MAST2: variants seen among roughly 807,000 people sequenced by gnomAD.
MAST2 encodes microtubule-associated serine/threonine-protein kinase 2.
Under a neutral mutation model 147.4 loss-of-function variants are expected in MAST2, and 70 were observed. The ratio of observed to expected loss-of-function variants is 0.47; its 90% confidence interval spans 0.39 to 0.58. The LOEUF (loss-of-function observed/expected upper bound fraction) is 0.58. Among genes scored for constraint, MAST2 ranks in the 20% least tolerant of loss-of-function variants. MAST2 has a pLI of 0.00. For missense variants in MAST2, 2,080 were observed against 2,302.3 expected, an observed-to-expected ratio of 0.90 and a Z score of 1.98; for synonymous variants, 869 against 896.8, an observed-to-expected ratio of 0.97 and a Z score of 0.55.
intron 3 of MAST2, among the ~76,000 whole-genome samples, chr1:45,845,534 T>G (rs936014430): frequency 2.6e-5 from 4 of 152,178 alleles, no homozygotes; most frequent in Admixed American, 2.6e-4. Flanking sequence ...ATACTTGTAT[T>G]TAACAAGTTT....
intron 5 of MAST2, 57 bp from the exon 6 acceptor site, chr1:45,997,667 T>G: frequency 7.4e-7 from 1 of 1,346,504 alleles, no homozygotes; most frequent in Non-Finnish European, 1.1e-6. Context: ...CCGAAAGTCA[T>G]GTCCACCCTC....
chr1:46,008,173 C>T (rs189603970), intron 8 of MAST2, 123 bp from the exon 9 acceptor site: 52 of 666,174 alleles, frequency 7.8e-5, no homozygotes, highest in South Asian at 6.3e-4. Flanking sequence ...ACTCAGTACC[C>T]GTTAAAGTGG....
At chr1:45,849,590 G>A (rs567506230) in intron 3 of MAST2, among the ~76,000 whole-genome samples, 7 of 150,946 alleles carry the variant, frequency 4.6e-5, no homozygotes, top group East Asian at 3.9e-4. Flanking sequence ...GCAGTGGCGC[G>A]ATCTAGGCTC....
rs1213650086 is a variant in MAST2, at chr1:46,031,903, A to G, written c.3188-275A>G. Among the ~76,000 whole-genome samples, 1 of 152,234 alleles carries G rather than the reference A, an allele frequency of 6.6e-6. No individual in the cohort carries two copies. The highest frequency in any genetic ancestry group is 2.4e-5 in the African/African-American group (1 of 41,458). On this transcript the variant is annotated intron_variant, in intron 24 of 28. Coordinates refer to ENST00000361297, the MANE Select transcript of MAST2 (RefSeq NM_015112.3). The surrounding 1 kb of genome is among the most constrained non-coding windows in gnomAD (Gnocchi z 4.1). ...TTTCTTATCCAAAAATGTGGATATA[A>G]TAGAGGCCAGCTGATAGGTTGTGAC...
chr1:45,852,508 C>T (rs772758970), intron 3 of MAST2, among the ~76,000 whole-genome samples: 1 of 150,794 alleles, frequency 6.6e-6, no homozygotes, highest in Non-Finnish European at 1.5e-5. Context: ...ATCACAGGCA[C>T]AAGCCACCAT....
intron 3 of MAST2, among the ~76,000 whole-genome samples, chr1:45,876,281 G>T (rs1007798788): frequency 6.6e-6 from 1 of 152,198 alleles, no homozygotes; most frequent in African/African-American, 2.4e-5. Flanking sequence ...ATTGGATGTA[G>T]ATAACTCATT....
chr1:45,947,748 G>A lies in MAST2; in HGVS notation c.501-11638G>A, dbSNP rs1018616801. On this transcript the variant is annotated intron_variant, in intron 4 of 28. Transcript: ENST00000361297. ...TTTTATTTTTTTGAGACGGAGTCTC[G>A]CTCTGTCGCCCAAGCTGGAGTGTAG... is the stretch of plus-strand genomic sequence containing the variant. Among the ~76,000 whole-genome samples the A allele has an allele frequency of 5.3e-5, 8 of 152,144 alleles. No individual in the cohort carries two copies. In the East Asian group the frequency reaches 5.8e-4, roughly 11 times the overall value.
At chr1:45,888,922 C>T (rs1180313570) in intron 4 of MAST2, among the ~76,000 whole-genome samples, 1 of 151,840 alleles carries the variant, frequency 6.6e-6, no homozygotes, top group African/African-American at 2.4e-5. Flanking sequence ...CATCATCCAT[C>T]CGCCTCGGCC....
At chr1:45,862,448 A>T (rs1342897804) in intron 3 of MAST2, among the ~76,000 whole-genome samples, 3 of 147,524 alleles carry the variant, frequency 2.0e-5, no homozygotes, top group Non-Finnish European at 4.5e-5. Flanking sequence ...CCAAGGGGAG[A>T]CGTTTTTTAC....
intron 5 of MAST2, among the ~76,000 whole-genome samples, chr1:45,963,345 T>C (rs1660710863): frequency 6.6e-6 from 1 of 152,224 alleles, no homozygotes; most frequent in African/African-American, 2.4e-5. Flanking sequence ...ATCTATAAAT[T>C]ACCTTGGGCA....
At chr1:46,011,366 C>T (rs1305477872) in intron 10 of MAST2, among the ~76,000 whole-genome samples, 2 of 152,150 alleles carry the variant, frequency 1.3e-5, no homozygotes, top group African/African-American at 2.4e-5. Context: ...GAGGCTTGCA[C>T]AATGGGTTTA....
Position 46,006,374 on chromosome 1 carries a change from G to C in MAST2, c.881G>C (p.Arg294Pro). The C allele has an allele frequency of 6.2e-7, 1 of 1,613,084 alleles. No individual in the cohort carries two copies. Among genetic ancestry groups the C allele is most frequent in the Non-Finnish European group, 8.5e-7 (1 of 1,179,444 alleles). ...GAAGGACGGCAGTCCCCAGCCATGC[G>C]GCCTCGCTCCCGGAGCCTCAGGTGA... ...DEEGRQSPAM[R>P]PRSRSLSPGR... Residue 294 changes from arginine (R) to proline (P), a missense_variant, in exon 8 of 29, where the codon CGG becomes CCG. Physicochemically the swap from Arg to Pro is moderately radical, Grantham distance 103. This residue lies in a region of MAST2 where 569 missense variants were observed against 642.5 expected (regional missense o/e 0.89). Coordinates refer to ENST00000361297, the MANE Select transcript of MAST2 (RefSeq NM_015112.3).
rs1184590040 is a variant in MAST2 at position 46,023,855 on chromosome 1, A to C, written c.1655A>C (p.Asn552Thr). The change falls in exon 15 of 29, where the codon AAC (asparagine) becomes ACC (threonine). Residue 552 changes from asparagine (N) to threonine (T), a missense_variant. This residue lies in a region of MAST2 where 569 missense variants were observed against 642.5 expected (regional missense o/e 0.89). Coordinates refer to ENST00000361297, the MANE Select transcript of MAST2 (RefSeq NM_015112.3). The surrounding 1 kb of genome is among the most constrained non-coding windows in gnomAD (Gnocchi z 4.9). ...KINKQNLILR[N>T]QIQQAFVERD... ...AACAAGCAGAACCTGATCCTACGGA[A>C]CCAGATCCAGCAGGCCTTCGTGGAG... 1 of 1,614,144 alleles carries C rather than the reference A, an allele frequency of 6.2e-7. No homozygotes were observed. The highest frequency in any genetic ancestry group is 8.5e-7 in the Non-Finnish European group (1 of 1,180,034).
chr1:45,835,308 A>G (rs1313825298), intron 3 of MAST2, among the ~76,000 whole-genome samples: 2 of 152,152 alleles, frequency 1.3e-5, no homozygotes, highest in Non-Finnish European at 2.9e-5. Context: ...TACAGAGTGC[A>G]CACAGTTCTG....
chr1:46,004,250 G>A (rs541533405), intron 7 of MAST2, among the ~76,000 whole-genome samples: 2 of 151,460 alleles, frequency 1.3e-5, no homozygotes, highest in African/African-American at 4.8e-5. Context: ...TGTAGTCCCA[G>A]CGTCTCAGGA....
chr1:45,820,319 C>T (rs1000387184), intron 1 of MAST2, among the ~76,000 whole-genome samples: 2 of 152,150 alleles, frequency 1.3e-5, no homozygotes, highest in African/African-American at 2.4e-5. Flanking sequence ...AATAAATACC[C>T]CACATGCAGA....
At chr1:46,013,249 ATT>A (rs1157840273) in intron 10 of MAST2, among the ~76,000 whole-genome samples, 8 of 152,172 alleles carry the variant, frequency 5.3e-5, no homozygotes, top group Non-Finnish European at 1.0e-4. Flanking sequence ...AAGATAACTG[ATT>A]TTTTTAAGTA....
chr1:46,033,978 A>G (rs1299815436), intron 27 of MAST2, 40 bp downstream of exon 27: 22 of 1,611,730 alleles, frequency 1.4e-5, no homozygotes, highest in South Asian at 4.4e-5. Flanking sequence ...TCTGAGCCAC[A>G]TGAGTGCTGG....
intron 15 of MAST2, 49 bp from the exon 16 acceptor site, chr1:46,025,628 A>G (rs370811648): frequency 8.9e-5 from 144 of 1,611,288 alleles, no homozygotes; most frequent in Admixed American, 3.8e-4. Flanking sequence ...CTGGCTAGCT[A>G]GAGCAGGGAA....
Sources: gnomAD v4.1 joint callset for allele counts (sites outside exome capture counted in the v4.1 genomes callset) on GRCh38, gnomAD v4.1.1 for gene constraint, gnomAD v4.1.1 regional missense constraint, Gnocchi (gnomAD v3.1) non-coding constraint, MANE v1.5 for transcripts, NCBI Gene and HGNC (gene_info 2026-07-23, HGNC 2026-07-21) for gene names.